Variants in PDZRN4 observed in about 807,000 individuals in gnomAD.
PDZRN4 encodes PDZ domain-containing RING finger protein 4.
Under a neutral mutation model 99.0 loss-of-function variants are expected in PDZRN4, and 70 were observed. The ratio of observed to expected loss-of-function variants is 0.71; its 90% CI spans 0.58 to 0.86. The LOEUF is 0.86. Ranked by LOEUF, PDZRN4 falls within the 40% of genes least tolerant of loss-of-function variation. The probability of loss-of-function intolerance (pLI) is 0.00; values close to 1 mark genes in which losing one functional copy is unlikely to be tolerated. For synonymous variants in PDZRN4, 551 were observed against 501.6 expected (o/e 1.10, Z -1.32); for missense variants, 1,474 against 1,331.2 (o/e 1.11, Z -1.67).
intron 3 of PDZRN4, among the ~76,000 whole-genome samples, chr12:41,226,107 T>A (rs1950992797): frequency 6.6e-6 from 1 of 151,982 alleles, no homozygotes. Context: ...ACAAAGCCCT[T>A]GAAATTGCCT....
intron 3 of PDZRN4, among the ~76,000 whole-genome samples, chr12:41,207,538 A>G (rs1348925051): frequency 6.6e-6 from 1 of 151,864 alleles, no homozygotes; most frequent in Non-Finnish European, 1.5e-5. Context: ...TAATTCATAA[A>G]TAAATATCTA....
At chr12:41,202,433 T>C (rs1391165506) in intron 3 of PDZRN4, among the ~76,000 whole-genome samples, 2 of 152,096 alleles carry the variant, frequency 1.3e-5, no homozygotes, top group East Asian at 3.9e-4. Flanking sequence ...AAAATCATTA[T>C]TCTTCCCAAT....
chr12:41,385,317 G>A (rs527385613), intron 3 of PDZRN4, among the ~76,000 whole-genome samples: 30 of 152,102 alleles, frequency 2.0e-4, no homozygotes, highest in Non-Finnish European at 3.7e-4. Context: ...ATGTCACAGG[G>A]GAAAGGCATT....
intron 5 of PDZRN4, among the ~76,000 whole-genome samples, chr12:41,550,067 G>A (rs754862366): frequency 2.6e-5 from 4 of 152,168 alleles, no homozygotes; most frequent in African/African-American, 9.7e-5. Flanking sequence ...TTGTGGTGTC[G>A]AAGAATTATA....
chr12:41,426,681 G>A (rs566381252), intron 3 of PDZRN4, among the ~76,000 whole-genome samples: 1 of 152,104 alleles, frequency 6.6e-6, no homozygotes, highest in Admixed American at 6.5e-5. Context: ...AGATAAAATA[G>A]GTGTTTCTTA....
intron 3 of PDZRN4, among the ~76,000 whole-genome samples, chr12:41,314,144 C>T (rs558828795): frequency 2.0e-5 from 3 of 152,232 alleles, no homozygotes; most frequent in East Asian, 3.9e-4. Flanking sequence ...GTATGAACAG[C>T]TTTTAGGTAA....
intron 3 of PDZRN4, among the ~76,000 whole-genome samples, chr12:41,195,706 C>T (rs1398103403): frequency 2.0e-5 from 3 of 152,152 alleles, no homozygotes; most frequent in Non-Finnish European, 2.9e-5. Flanking sequence ...TTTGCTGTTG[C>T]TATCCAGTTC....
chr12:41,300,550 A>G (rs1223262163), intron 3 of PDZRN4, among the ~76,000 whole-genome samples: 1 of 152,014 alleles, frequency 6.6e-6, no homozygotes, highest in Non-Finnish European at 1.5e-5. Flanking sequence ...CATAATATGT[A>G]GGTTTTATTT....
At chr12:41,224,856 A>C (rs1950982288) in intron 3 of PDZRN4, among the ~76,000 whole-genome samples, 1 of 152,174 alleles carries the variant, frequency 6.6e-6, no homozygotes, top group African/African-American at 2.4e-5. Context: ...CTTCATCAGA[A>C]TTTGAATGCA....
chr12:41,316,456 ATGTGTGTGTGTGTGTG>A (rs71081722), intron 3 of PDZRN4, among the ~76,000 whole-genome samples: 32 of 144,532 alleles, frequency 2.2e-4, no homozygotes, highest in South Asian at 1.1e-3. Context: ...AAAAAGGCAA[ATGTGTGTGTGTGTGTG>A]TGTGTGTGTG....
chr12:41,275,086 G>C (rs761229145), intron 3 of PDZRN4, among the ~76,000 whole-genome samples: 2 of 152,102 alleles, frequency 1.3e-5, no homozygotes, highest in Non-Finnish European at 2.9e-5. Context: ...TTTAACTCAT[G>C]AATAAGCTGA....
Position 41,345,825 on chromosome 12 carries a change from T to C in PDZRN4, c.843+151637T>C, listed in dbSNP as rs370444250. Reference sequence around the variant, plus strand: ...AAACTGAAAGATAAACTTCTGCAAATGATCACTGTTTTCCAATTGGATTGT... The same window carrying C: ...AAACTGAAAGATAAACTTCTGCAAACGATCACTGTTTTCCAATTGGATTGT... On this transcript the variant is annotated intron_variant, in intron 3 of 9. Transcript: ENST00000402685. 3.3e-4 allele frequency among the ~76,000 whole-genome samples: 51 copies of C among 152,286 alleles called. No individual in the cohort carries two copies. In the Middle Eastern group the frequency reaches 0.02, roughly 61 times the overall value.
intron 3 of PDZRN4, among the ~76,000 whole-genome samples, chr12:41,465,833 A>G (rs1952919209): frequency 6.6e-6 from 1 of 152,258 alleles, no homozygotes; most frequent in Non-Finnish European, 1.5e-5. Context: ...TGATACTTAT[A>G]TAACTTAAGT....
At chr12:41,275,025 T>C (rs571306950) in intron 3 of PDZRN4, among the ~76,000 whole-genome samples, 120 of 152,266 alleles carry the variant, frequency 7.9e-4, no homozygotes, top group African/African-American at 2.8e-3. Context: ...GATGCATCTA[T>C]GTAGTCCAGA....
intron 1 of PDZRN4, among the ~76,000 whole-genome samples, chr12:41,190,748 A>G (rs1221938754): frequency 2.6e-5 from 4 of 152,148 alleles, no homozygotes; most frequent in African/African-American, 9.7e-5. Context: ...CCATGAATAA[A>G]CCCACCTAGT....
At chr12:41,286,565 T>C (rs1477772349) in intron 3 of PDZRN4, among the ~76,000 whole-genome samples, 1 of 152,182 alleles carries the variant, frequency 6.6e-6, no homozygotes, top group Non-Finnish European at 1.5e-5. Flanking sequence ...TCCCATTTCA[T>C]TAAAAGCAGG....
At position 41,188,514 on chromosome 12, in the gene PDZRN4, T is replaced by C. The variant is rs1950708970; in HGVS notation, c.59T>C (p.Leu20Pro). ...GTGGACCCGGCTCTGGAGTGCAAAC[T>C]GTGCGGCCAGGTGCTTGAAGAGCCC... is the stretch of plus-strand genomic sequence containing the variant. ...EAVDPALECKLCGQVLEEPLC... is the reference protein window; with the variant it reads ...EAVDPALECKPCGQVLEEPLC... The change falls in exon 1 of 10, where the codon CTG becomes CCG. Residue 20 changes from leucine (L) to proline (P), a missense_variant. Physicochemically the swap from Leu to Pro is moderately conservative, Grantham distance 98. Coordinates refer to ENST00000402685, the MANE Select transcript of PDZRN4 (RefSeq NM_001164595.2). 6.3e-7 allele frequency: 1 copy of C among 1,588,448 alleles called. No individual in the cohort carries two copies. The highest frequency in any genetic ancestry group is 8.5e-7 in the Non-Finnish European group (1 of 1,175,458).
intron 3 of PDZRN4, among the ~76,000 whole-genome samples, chr12:41,414,200 C>T (rs1389943833): frequency 6.6e-6 from 1 of 152,154 alleles, no homozygotes; most frequent in East Asian, 1.9e-4. Context: ...ACAGGGCTCC[C>T]TTTGCACATG....
At chr12:41,359,425 A>T (rs1205095248) in intron 3 of PDZRN4, among the ~76,000 whole-genome samples, 3 of 151,960 alleles carry the variant, frequency 2.0e-5, no homozygotes, top group African/African-American at 7.2e-5. Context: ...TAAGAAACAG[A>T]ACCTTTATTT....
Sources: gnomAD v4.1 joint callset for allele counts (sites outside exome capture counted in the v4.1 genomes callset) on GRCh38, gnomAD v4.1.1 for gene constraint, MANE v1.5 for transcripts, NCBI Gene and HGNC (gene_info 2026-07-23, HGNC 2026-07-21) for gene names.